INTS6: variants seen among roughly 807,000 people sequenced by gnomAD.
The protein encoded by INTS6 is integrator complex subunit 6.
In INTS6, 16 loss-of-function variants were observed where a neutral mutation model predicts 104.9. The ratio of observed to expected loss-of-function variants is 0.15; its 90% CI spans 0.10 to 0.23. INTS6 has a LOEUF of 0.23. Ranked by LOEUF, INTS6 falls within the 10% of genes least tolerant of loss-of-function variation. The pLI is 1.00. For synonymous variants in INTS6, 324 were observed against 358.7 expected (o/e 0.90, Z 1.09); for missense variants, 584 against 1,062.8 (o/e 0.55, Z 6.26).
intron 5 of INTS6, among the ~76,000 whole-genome samples, chr13:51,394,700 T>G (rs1018233427): frequency 4.6e-5 from 7 of 152,174 alleles, no homozygotes; most frequent in African/African-American, 1.7e-4. Context: ...TGGTACACAG[T>G]AGGCACGCAA....
At position 51,431,893 on chromosome 13, in the gene INTS6, T is replaced by G. The variant is rs139159199; in HGVS notation, c.340-1510A>C. On this transcript the variant is annotated intron_variant, in intron 3 of 17. Transcript: ENST00000311234. ...TATCCCTCCTTTTCCTCTGTAATAT[T>G]CATGTTAAAAAGAACTCATTTTGGG... Among the ~76,000 whole-genome samples the G allele has an allele frequency of 3.3e-3, 503 of 152,238 alleles. 3 individuals are homozygous for G. The highest frequency in any genetic ancestry group is 0.012 in the African/African-American group (485 of 41,536).
intron 4 of INTS6, among the ~76,000 whole-genome samples, chr13:51,396,067 G>T (rs1956332173): frequency 6.6e-6 from 1 of 151,996 alleles, no homozygotes; most frequent in South Asian, 2.1e-4. Flanking sequence ...CAAAGTGCTG[G>T]ATTACAGGTG....
At chr13:51,400,389 C>T (rs768459276) in intron 4 of INTS6, among the ~76,000 whole-genome samples, 8 of 152,172 alleles carry the variant, frequency 5.3e-5, no homozygotes, top group Admixed American at 1.3e-4. Flanking sequence ...TTTGTTTCCT[C>T]ATAGATAATG....
rs1294148371 is a variant in INTS6 at position 51,452,045 on chromosome 13, C to G, written c.122G>C (p.Arg41Pro). ...AVETFMKLRARDPASRGDRYM... is the reference protein window; with the variant it reads ...AVETFMKLRAPDPASRGDRYM... ...CCTGTCTCCTCTGCTGGCAGGGTCC[C>G]GGGCACGGAGCTGCGGGACGGGAGG... The change falls in exon 2 of 18, where the codon CGG becomes CCG. Residue 41 changes from arginine to proline, a missense_variant. Coordinates refer to ENST00000311234, the MANE Select transcript of INTS6 (RefSeq NM_012141.3). The surrounding 1 kb of genome is among the most constrained non-coding windows in gnomAD (Gnocchi z 4.2). 1.2e-6 allele frequency: 2 copies of G among 1,608,690 alleles called. No individual in the cohort carries two copies. The highest frequency in any genetic ancestry group is 2.2e-5 in the East Asian group (1 of 44,700).
At chr13:51,376,240 T>G in intron 12 of INTS6, 66 bp from the exon 13 acceptor site, 2 of 1,319,076 alleles carry the variant, frequency 1.5e-6, no homozygotes, top group Non-Finnish European at 2.1e-6. Context: ...CTAAAATCTC[T>G]AGCCTGCAGC....
At chr13:51,375,734 GGTGTGTGTGTGTGTGT>G (rs71684515) in intron 13 of INTS6, among the ~76,000 whole-genome samples, 1 of 147,560 alleles carries the variant, frequency 6.8e-6, no homozygotes, top group Non-Finnish European at 1.5e-5. Flanking sequence ...TTGATAAGTG[GGTGTGTGTGTGTGTGT>G]GTGTGTGTGT....
chr13:51,364,279 C>A lies in INTS6; in HGVS notation c.*1473G>T, dbSNP rs1157500621. The A allele has an allele frequency of 1.0e-5, 15 of 1,469,252 alleles. No individual in the cohort carries two copies. Among genetic ancestry groups the A allele is most frequent in the Non-Finnish European group, 1.4e-5 (15 of 1,094,070 alleles). 91.0% of individuals were successfully genotyped at this position (1,469,252 alleles called of 1,614,324 possible). ...TTGGGAGAGTTTCAAATCCCCTAGACTAAATGCATGTTCTCCACTTTCATC... is the reference window on the plus strand; with the variant it reads ...TTGGGAGAGTTTCAAATCCCCTAGAATAAATGCATGTTCTCCACTTTCATC... On this transcript the variant is annotated 3_prime_UTR_variant, in exon 18 of 18. Transcript: ENST00000311234.
chr13:51,357,646 C>T (rs1156815799), downstream of INTS6, among the ~76,000 whole-genome samples: 1 of 151,990 alleles, frequency 6.6e-6, no homozygotes, highest in Non-Finnish European at 1.5e-5. Flanking sequence ...TCTCAAGGCC[C>T]AGCTGAAACC....
At chr13:51,360,799 A>G (rs1359188379), downstream of INTS6, among the ~76,000 whole-genome samples, 1 of 152,064 alleles carries the variant, frequency 6.6e-6, no homozygotes, top group Non-Finnish European at 1.5e-5. Context: ...GTCATTTAAA[A>G]GTGGCTCTTA....
intron 3 of INTS6, chr13:51,447,220 A>G (rs1157086650): frequency 2.6e-5 from 4 of 152,178 alleles, no homozygotes; most frequent in African/African-American, 9.7e-5. Context: ...ATTTGTTGAT[A>G]ATCTAAGAGA....
At chr13:51,357,396 C>T (rs1201530117), downstream of INTS6, among the ~76,000 whole-genome samples, 1 of 152,092 alleles carries the variant, frequency 6.6e-6, no homozygotes, top group African/African-American at 2.4e-5. Flanking sequence ...AGAGACCTTG[C>T]CAGAGAGTAA....
chr13:51,387,760 G>A (rs983081125), intron 6 of INTS6, among the ~76,000 whole-genome samples: 5 of 151,996 alleles, frequency 3.3e-5, no homozygotes, highest in African/African-American at 1.2e-4. Flanking sequence ...CTATGAGTTC[G>A]CCAGTTCAAA....
At chr13:51,403,359 G>A (rs1380828148) in intron 4 of INTS6, among the ~76,000 whole-genome samples, 1 of 152,022 alleles carries the variant, frequency 6.6e-6, no homozygotes, top group Non-Finnish European at 1.5e-5. Context: ...CAAGGTCACG[G>A]ATCACGAGGT....
intron 6 of INTS6, among the ~76,000 whole-genome samples, chr13:51,388,574 G>A (rs553600135): frequency 8.5e-5 from 13 of 152,062 alleles, no homozygotes; most frequent in Admixed American, 2.0e-4. Flanking sequence ...TGTATTTTTA[G>A]TAGACACGGA....
intron 4 of INTS6, among the ~76,000 whole-genome samples, chr13:51,397,684 A>G (rs1197867100): frequency 2.0e-5 from 3 of 152,236 alleles, no homozygotes; most frequent in African/African-American, 7.2e-5. Context: ...TTTCTCTCTA[A>G]TATCACAAAA....
intron 4 of INTS6, among the ~76,000 whole-genome samples, chr13:51,419,520 C>G (rs1956857500): frequency 6.6e-6 from 1 of 152,336 alleles, no homozygotes; most frequent in South Asian, 2.1e-4. Context: ...ATCTACTTCA[C>G]AAACTTGAAT....
At chr13:51,451,911 C>T in intron 2 of INTS6, 67 bp downstream of exon 2, 1 of 881,810 alleles carries the variant, frequency 1.1e-6, no homozygotes, top group Non-Finnish European at 1.6e-6. Flanking sequence ...AATGGGGGGG[C>T]GGGGAGGGCG....
Position 51,374,778 on chromosome 13 carries a change from G to C in INTS6, c.1748C>G (p.Pro583Arg). 1 of 1,613,290 alleles carries C rather than the reference G, an allele frequency of 6.2e-7. No homozygotes were observed. Among genetic ancestry groups the C allele is most frequent in the Non-Finnish European group, 8.5e-7 (1 of 1,179,744 alleles). ...CTGGTAGTTCCCCATTTGTGCTATAGGAACACTGTGCACTTGATCTTTCAA... is the reference window on the plus strand; with the variant it reads ...CTGGTAGTTCCCCATTTGTGCTATACGAACACTGTGCACTTGATCTTTCAA... ...GQDEDQVHSV[P>R]IAQMGNYQEY... Residue 583 changes from proline to arginine, a missense_variant, in exon 14 of 18, where the codon CCT (proline) becomes CGT (arginine). Physicochemically the swap from Pro to Arg is moderately radical, Grantham distance 103. Transcript: ENST00000311234.
At position 51,382,071 on chromosome 13, in the gene INTS6, T is replaced by C. The variant is rs750464665; in HGVS notation, c.1233A>G (p.Ser411=). Residue 411 remains serine, a synonymous_variant, in exon 10 of 18, where the codon TCA becomes TCG. Transcript: ENST00000311234. Reference sequence around the variant, plus strand: ...GCATTGTCTTCAAATAACTTTCAAATGACTGTCTCCACTTCAATGTTGGTT... The same window carrying C: ...GCATTGTCTTCAAATAACTTTCAAACGACTGTCTCCACTTCAATGTTGGTT... The part of the protein sequence containing the change: ...KAKPTLKWRQ[S]FESYLKTMPP... The C allele has an allele frequency of 6.2e-7, 1 of 1,612,216 alleles. No individual in the cohort carries two copies. The highest frequency in any genetic ancestry group is 8.5e-7 in the Non-Finnish European group (1 of 1,179,018).
Sources: gnomAD v4.1 joint callset for allele counts (sites outside exome capture counted in the v4.1 genomes callset) on GRCh38, gnomAD v4.1.1 for gene constraint, Gnocchi (gnomAD v3.1) non-coding constraint, MANE v1.5 for transcripts, NCBI Gene and HGNC (gene_info 2026-07-23, HGNC 2026-07-21) for gene names.